The following KCNB2 variants were observed in gnomAD, a reference collection of about 807,000 sequenced individuals.
KCNB2 encodes the protein potassium voltage-gated channel subfamily B member 2.
KCNB2 carries 15 observed loss-of-function variants against 61.5 expected under a neutral mutation model. The observed-to-expected ratio is 0.24, with a 90% CI of 0.16 to 0.38. The LOEUF (loss-of-function observed/expected upper bound fraction) is 0.38, where lower values mean the gene tolerates loss of function less well. Among genes scored for constraint, KCNB2 ranks in the 10% least tolerant of loss-of-function variants. The pLI, the probability that KCNB2 is intolerant of heterozygous loss-of-function variation, is 1.00. For missense variants in KCNB2, 828 were observed against 1,125.2 expected, an observed-to-expected ratio of 0.74 and a Z score of 3.78; for synonymous variants, 457 against 446.0, an observed-to-expected ratio of 1.02 and a Z score of -0.31.
At chr8:72,665,076 A>G (rs1448547635) in intron 2 of KCNB2, among the ~76,000 whole-genome samples, 1 of 152,204 alleles carries the variant, frequency 6.6e-6, no homozygotes, top group African/African-American at 2.4e-5. Flanking sequence ...CATTTACTCC[A>G]TATCAGCTGG....
chr8:72,617,597 CAAAAAA>C (rs10706658), intron 2 of KCNB2, among the ~76,000 whole-genome samples: 2 of 136,128 alleles, frequency 1.5e-5, no homozygotes, highest in Non-Finnish European at 3.1e-5. Context: ...CACAGAAGTG[CAAAAAA>C]AAAAAAAAAT....
intron 1 of KCNB2, among the ~76,000 whole-genome samples, chr8:72,559,934 G>A (rs920961258): frequency 3.3e-5 from 5 of 152,102 alleles, no homozygotes; most frequent in African/African-American, 1.2e-4. Flanking sequence ...AGTTTTAAAA[G>A]ATGTAAATAA....
intron 2 of KCNB2, among the ~76,000 whole-genome samples, chr8:72,890,537 A>G (rs766229593): frequency 3.9e-5 from 6 of 152,190 alleles, no homozygotes; most frequent in Non-Finnish European, 8.8e-5. Flanking sequence ...CGGTCCCATC[A>G]CACTGCCTCA....
At chr8:72,871,329 A>G (rs1805611910) in intron 2 of KCNB2, among the ~76,000 whole-genome samples, 1 of 152,234 alleles carries the variant, frequency 6.6e-6, no homozygotes, top group Admixed American at 6.5e-5. Flanking sequence ...TTAACAAATG[A>G]ATGCATACCT....
At chr8:72,655,134 C>T (rs990193481) in intron 2 of KCNB2, among the ~76,000 whole-genome samples, 4 of 152,072 alleles carry the variant, frequency 2.6e-5, no homozygotes, top group Non-Finnish European at 2.9e-5. Context: ...CATGAGATCA[C>T]GTCGTTTGCA....
intron 2 of KCNB2, among the ~76,000 whole-genome samples, chr8:72,721,809 T>G (rs1381751478): frequency 1.3e-5 from 2 of 152,192 alleles, no homozygotes; most frequent in African/African-American, 4.8e-5. Flanking sequence ...TGCACCTTCC[T>G]CTTTGACATA....
intron 2 of KCNB2, among the ~76,000 whole-genome samples, chr8:72,901,894 T>C (rs2129006648): frequency 6.6e-6 from 1 of 152,310 alleles, no homozygotes; most frequent in South Asian, 2.1e-4. Context: ...GGTGCTTTGT[T>C]TTCTGTTGAA....
intron 2 of KCNB2, among the ~76,000 whole-genome samples, chr8:72,753,847 CT>C (rs1808242403): frequency 6.6e-6 from 1 of 152,144 alleles, no homozygotes; most frequent in African/African-American, 2.4e-5. Context: ...GAAACTCTTC[CT>C]TTTTCCTCTC....
intron 2 of KCNB2, among the ~76,000 whole-genome samples, chr8:72,816,913 A>G (rs1400947547): frequency 6.6e-6 from 1 of 152,158 alleles, no homozygotes; most frequent in Non-Finnish European, 1.5e-5. Context: ...CTGTTCTTTG[A>G]TAGCTCAGAA....
At chr8:72,692,582 G>A (rs1322035661) in intron 2 of KCNB2, among the ~76,000 whole-genome samples, 4 of 151,974 alleles carry the variant, frequency 2.6e-5, no homozygotes, top group Non-Finnish European at 5.9e-5. Flanking sequence ...GGATAAAGAG[G>A]CATTTGAATT....
At chr8:72,908,592 T>C (rs1340909900) in intron 2 of KCNB2, among the ~76,000 whole-genome samples, 2 of 152,174 alleles carry the variant, frequency 1.3e-5, no homozygotes, top group African/African-American at 4.8e-5. Flanking sequence ...GGAAAGTAGA[T>C]GAGACTGGAA....
intron 2 of KCNB2, among the ~76,000 whole-genome samples, chr8:72,621,298 C>T (rs562888686): frequency 1.4e-4 from 21 of 152,230 alleles, no homozygotes; most frequent in African/African-American, 2.9e-4. Context: ...ATGTGGAGGA[C>T]GTGGTAGTCA....
At chr8:72,755,026 A>G (rs1383939394) in intron 2 of KCNB2, among the ~76,000 whole-genome samples, 2 of 152,214 alleles carry the variant, frequency 1.3e-5, no homozygotes, top group Non-Finnish European at 2.9e-5. Flanking sequence ...TACTCTTGGT[A>G]AGATATGATG....
chr8:72,810,409 C>T (rs16938395), intron 2 of KCNB2, among the ~76,000 whole-genome samples: 16,128 of 152,250 alleles, frequency 0.11, 1,136 homozygotes, highest in East Asian at 0.4. Flanking sequence ...CAAAACAATC[C>T]TGCAGGCTCT....
intron 2 of KCNB2, among the ~76,000 whole-genome samples, chr8:72,789,507 A>T (rs1808900243): frequency 6.6e-6 from 1 of 152,114 alleles, no homozygotes; most frequent in South Asian, 2.1e-4. Context: ...AGAGAAGTTG[A>T]CCAGGTAGAG....
intron 2 of KCNB2, among the ~76,000 whole-genome samples, chr8:72,674,498 A>G (rs957605342): frequency 3.9e-5 from 6 of 152,224 alleles, no homozygotes; most frequent in Non-Finnish European, 8.8e-5. Flanking sequence ...AGACTTTTAT[A>G]AACATACTTT....
intron 2 of KCNB2, among the ~76,000 whole-genome samples, chr8:72,910,596 T>C (rs1038054771): frequency 2.0e-5 from 3 of 152,044 alleles, no homozygotes; most frequent in African/African-American, 7.2e-5. Context: ...AAGTGGTCAG[T>C]GGAGTAAAAT....
chr8:72,544,683 T>C (rs1231141048), intron 1 of KCNB2, among the ~76,000 whole-genome samples: 1 of 152,186 alleles, frequency 6.6e-6, no homozygotes, highest in Non-Finnish European at 1.5e-5. Flanking sequence ...TCAATGGTGA[T>C]TGTATTAGTT....
intron 2 of KCNB2, among the ~76,000 whole-genome samples, chr8:72,632,082 AT>A (rs74872081): frequency 0.16 from 23,675 of 150,318 alleles, 2,325 homozygotes; most frequent in East Asian, 0.53. Context: ...TTAAAAAAAG[AT>A]TTTTTTTTTT....
Sources: allele counts gnomAD v4.1 joint callset (sites outside exome capture counted in the v4.1 genomes callset), GRCh38; gene constraint gnomAD v4.1.1; transcripts MANE v1.5; gene names NCBI Gene and HGNC (gene_info 2026-07-23, HGNC 2026-07-21).